Variants in PSMD10 observed in about 807,000 individuals in gnomAD.
The protein encoded by PSMD10 is proteasome 26S subunit, non-ATPase 10, also known as 26S proteasome non-ATPase regulatory subunit 10.
A neutral mutation model predicts 13.2 loss-of-function variants in PSMD10; 2 were observed. The ratio of observed to expected loss-of-function variants is 0.15; its 90% CI spans 0.06 to 0.48. The LOEUF is 0.48. PSMD10 is among the 20% of genes least tolerant of loss of function. PSMD10 has a pLI of 0.97. For synonymous variants in PSMD10, 66 were observed against 64.4 expected, an observed-to-expected ratio of 1.03 and a Z score of -0.12; for missense variants, 120 against 167.4, an observed-to-expected ratio of 0.72 and a Z score of 1.56.
At chrX:108,088,664 A>G (rs807180) in intron 2 of PSMD10, 88 bp downstream of exon 2, 324,584 of 716,188 alleles carry the variant, frequency 0.45, 57,832 homozygotes, top group African/African-American at 0.69. Flanking sequence ...TTTTCTTTAT[A>G]AGCTTAATGC....
rs552453354 is a variant in PSMD10 at position 108,090,550 on chromosome X, G to A, written c.114+857C>T. 3.6e-4 allele frequency among the ~76,000 whole-genome samples: 40 copies of A among 112,253 alleles called. No individual in the cohort carries two copies. The South Asian group carries it at 0.014, about 41-fold the overall frequency. On this transcript the variant is annotated intron_variant, in intron 1 of 4. Coordinates refer to ENST00000217958, the MANE Select transcript of PSMD10 (RefSeq NM_002814.4). ...TAATAAAGGAAAGTTCCAGAAAAGA[G>A]AAAACAGTCTCTTGATTTCTAATTC...
chrX:108,085,415 T>C (rs980578915), intron 4 of PSMD10, among the ~76,000 whole-genome samples: 4 of 112,475 alleles, frequency 3.6e-5, no homozygotes, highest in African/African-American at 6.5e-5. Flanking sequence ...CAGAGATAAG[T>C]AGTTGTTTAC....
intron 1 of PSMD10, 41 bp downstream of exon 1, chrX:108,091,366 G>A (rs1288410321): frequency 8.6e-7 from 1 of 1,156,728 alleles, no homozygotes; most frequent in Non-Finnish European, 1.2e-6. Context: ...GTAGGGCTTC[G>A]CCGACGTCGC....
Position 108,091,522 on chromosome X carries a change from T to C in PSMD10, c.-2A>G, listed in dbSNP as rs1296488639. ...TAGGTTAGACACACACCCCTCCATT[T>C]CGCTGTCCCAGCAACTACTTGTCGC... On this transcript the variant is annotated 5_prime_UTR_variant, in exon 1 of 5. Transcript: ENST00000217958. 1 of 1,208,860 alleles carries C rather than the reference T, an allele frequency of 8.3e-7. No homozygotes were observed. Among genetic ancestry groups the C allele is most frequent in the Non-Finnish European group, 1.1e-6 (1 of 892,406 alleles).
Position 108,087,793 on chromosome X carries a change from A to C in PSMD10, c.420T>G (p.Ala140=), listed in dbSNP as rs754414261. The change falls in exon 4 of 5, where the codon GCT becomes GCG. Residue 140 remains alanine (A), a synonymous_variant. Coordinates refer to ENST00000217958, the MANE Select transcript of PSMD10 (RefSeq NM_002814.4). ...ANPDAKDHYE[A]TAMHRAAAKG... ...TGGCTGCTGCCCGGTGCATTGCTGT[A>C]GCCTCATAATGGTCCTTAGCATCTG... is the stretch of plus-strand genomic sequence containing the variant. 1.1e-5 allele frequency: 13 copies of C among 1,212,063 alleles called. 1 individual carries two copies. The highest frequency in any genetic ancestry group is 2.3e-4 in the Middle Eastern group (1 of 4,356).
intron 1 of PSMD10, 26 bp downstream of exon 1, chrX:108,091,381 T>G (rs375550711): frequency 1.6e-4 from 185 of 1,190,138 alleles, no homozygotes; most frequent in Middle Eastern, 2.5e-4. Context: ...CGTCGCCGAC[T>G]GCGGAGAGAC....
At chrX:108,089,343 G>A (rs1053897188) in intron 1 of PSMD10, among the ~76,000 whole-genome samples, 6 of 111,539 alleles carry the variant, frequency 5.4e-5, no homozygotes, top group Non-Finnish European at 1.1e-4. Context: ...AACTGTCAGT[G>A]AAGTTCTGAC....
At chrX:108,089,676 T>C (rs1445056646) in intron 1 of PSMD10, among the ~76,000 whole-genome samples, 3 of 109,585 alleles carry the variant, frequency 2.7e-5, no homozygotes, top group Non-Finnish European at 3.8e-5. Flanking sequence ...CTACTAAAAA[T>C]ACAAAAGTTA....
At chrX:108,090,729 T>C (rs1358563427) in intron 1 of PSMD10, among the ~76,000 whole-genome samples, 1 of 111,610 alleles carries the variant, frequency 9.0e-6, no homozygotes, top group Non-Finnish European at 1.9e-5. Flanking sequence ...AGCACGAGAG[T>C]CCTGTGAGCA....
intron 4 of PSMD10, chrX:108,087,414 T>C (rs1195030127): frequency 7.7e-6 from 2 of 261,258 alleles, no homozygotes; most frequent in Non-Finnish European, 1.3e-5. Context: ...ATACACAGTA[T>C]GACCCCAATT....
intron 1 of PSMD10, among the ~76,000 whole-genome samples, chrX:108,089,979 T>A (rs1018983215): frequency 6.2e-5 from 7 of 112,183 alleles, no homozygotes; most frequent in African/African-American, 2.3e-4. Flanking sequence ...TACAAAAAAA[T>A]TTCAAACACA....
chrX:108,087,653 G>A (rs557035398), intron 4 of PSMD10, 33 bp downstream of exon 4: 2 of 1,192,651 alleles, frequency 1.7e-6, no homozygotes, highest in East Asian at 3.0e-5. Flanking sequence ...CTAATGTCAG[G>A]TAGAATACAA....
chrX:108,087,990 G>C lies in PSMD10; in HGVS notation c.323C>G (p.Thr108Ser). ...TTTCGAAGCTGCATAATGTAAGGGA[G>C]TACAGCCATTTTGATTGACAGCATT... ...QVNAVNQNGC[T>S]PLHYAASKNR... is the part of the protein sequence containing the mutation. Residue 108 changes from threonine (T) to serine (S), a missense_variant, in exon 3 of 5, where the codon ACT becomes AGT. Transcript: ENST00000217958. The C allele has an allele frequency of 8.3e-7, 1 of 1,211,307 alleles. No individual in the cohort carries two copies. Among genetic ancestry groups the C allele is most frequent in the Non-Finnish European group, 1.1e-6 (1 of 895,077 alleles).
chrX:108,091,509 A>C lies in PSMD10; in HGVS notation c.12T>G (p.Cys4Trp), dbSNP rs1182378456. 2 of 1,210,448 alleles carry C rather than the reference A, an allele frequency of 1.7e-6. No homozygotes were observed. Among genetic ancestry groups the C allele is most frequent in the East Asian group, 3.0e-5 (1 of 33,848 alleles). Residue 4 changes from cysteine (C) to tryptophan (W), a missense_variant, in exon 1 of 5, where the codon TGT becomes TGG. Cys to Trp is a radical substitution (Grantham distance 215). Transcript: ENST00000217958. MEGCVSNLMVCNLA... is the reference protein window; with the variant it reads MEGWVSNLMVCNLA... The stretch of plus-strand genomic sequence containing the variant: ...GGTTGCAGACCATTAGGTTAGACAC[A>C]CACCCCTCCATTTCGCTGTCCCAGC...
At chrX:108,089,001 G>A in intron 1 of PSMD10, 151 bp from the exon 2 acceptor site, 1 of 360,480 alleles carries the variant, frequency 2.8e-6, no homozygotes, top group Admixed American at 4.9e-5. Context: ...TTACTTACTG[G>A]TATAAGACAG....
chrX:108,084,831 GA>G lies in PSMD10; in HGVS notation c.*142del, dbSNP rs1259147817. On this transcript the variant is annotated 3_prime_UTR_variant, in exon 5 of 5. Transcript: ENST00000217958. Reference sequence around the variant, plus strand: ...AAGCTTCGAACAAGTAACTCAGCAGGAACAAGAGTCAACATGTTTATAAGAC... The same window carrying G: ...AAGCTTCGAACAAGTAACTCAGCAGGACAAGAGTCAACATGTTTATAAGAC... 1.5e-6 allele frequency: 1 copy of G among 663,277 alleles called. No individual in the cohort carries two copies. Among genetic ancestry groups the G allele is most frequent in the Non-Finnish European group, 2.1e-6 (1 of 465,724 alleles). 54.7% of individuals were successfully genotyped at this position (663,277 alleles called of 1,213,427 possible).
chrX:108,089,943 A>T (rs777720138), intron 1 of PSMD10, among the ~76,000 whole-genome samples: 1 of 112,633 alleles, frequency 8.9e-6, no homozygotes, highest in African/African-American at 3.2e-5. Flanking sequence ...GCCCCACAGA[A>T]TAGAAAATGG....
chrX:108,085,017 T>C lies in PSMD10; in HGVS notation c.638A>G (p.Lys213Arg), dbSNP rs1196964926. 22 of 1,209,523 alleles carry C rather than the reference T, an allele frequency of 1.8e-5. No homozygotes were observed. The highest frequency in any genetic ancestry group is 2.3e-5 in the Non-Finnish European group (21 of 894,408). ...KEEKTPLQVA[K>R]GGLGLILKRM... ...CTTGAGTATTAAACCCAGGCCACCT[T>C]TGGCCACTTGCAGGGGTGTCTTTTC... is the stretch of plus-strand genomic sequence containing the variant. The change falls in exon 5 of 5, where the codon AAA (lysine) becomes AGA (arginine). Residue 213 changes from lysine to arginine, a missense_variant. Lys to Arg is a conservative substitution (Grantham distance 26). Around this residue, in one of 3 missense-constraint regions of PSMD10, gnomAD observed 20 missense variants for 16.4 expected, o/e 1.22. Transcript: ENST00000217958.
At position 108,091,484 on chromosome X, in the gene PSMD10, G is replaced by C. The variant is rs1422204248; in HGVS notation, c.37C>G (p.Leu13Val). 1 of 1,212,399 alleles carries C rather than the reference G, an allele frequency of 8.2e-7. No homozygotes were observed. Reference protein sequence around the residue: ...GCVSNLMVCNLAYSGKLEELK... With the variant: ...GCVSNLMVCNVAYSGKLEELK... ...TCTTCCAGCTTCCCGCTGTAGGCCA[G>C]GTTGCAGACCATTAGGTTAGACACA... is the stretch of plus-strand genomic sequence containing the variant. Residue 13 changes from leucine (L) to valine (V), a missense_variant, in exon 1 of 5, where the codon CTG becomes GTG. Leu to Val is a conservative substitution (Grantham distance 32). Around this residue, in one of 3 missense-constraint regions of PSMD10, gnomAD observed 32 missense variants for 26.2 expected, o/e 1.22. Coordinates refer to ENST00000217958, the MANE Select transcript of PSMD10 (RefSeq NM_002814.4).
Sources: gnomAD v4.1 joint callset for allele counts (sites outside exome capture counted in the v4.1 genomes callset) on GRCh38, gnomAD v4.1.1 for gene constraint, gnomAD v4.1.1 regional missense constraint, MANE v1.5 for transcripts, NCBI Gene and HGNC (gene_info 2026-07-23, HGNC 2026-07-21) for gene names.